The following UQCC1 variants were observed in gnomAD, a reference collection of about 807,000 sequenced individuals.
The protein encoded by UQCC1 is ubiquinol-cytochrome c reductase complex assembly factor 1.
In UQCC1, 38 loss-of-function variants were observed where a neutral mutation model predicts 48.0. That is an observed-to-expected ratio of 0.79 (90% CI 0.61 to 1.04). UQCC1 has a LOEUF of 1.04. Among genes scored for constraint, UQCC1 ranks in the 50% least tolerant of loss-of-function variants. The pLI is 0.00. For missense variants in UQCC1, 368 were observed against 381.8 expected, an observed-to-expected ratio of 0.96 and a Z score of 0.30; for synonymous variants, 111 against 129.2, an observed-to-expected ratio of 0.86 and a Z score of 0.95.
chr20:35,309,178 T>C, intron 8 of UQCC1: 1 of 456,002 alleles, frequency 2.2e-6, no homozygotes, highest in South Asian at 1.5e-5. Flanking sequence ...AATGGCTGAA[T>C]ACCCAGCACT....
Position 35,340,140 on chromosome 20 carries a change from A to G in UQCC1, c.573+7024T>C, listed in dbSNP as rs538320926. On this transcript the variant is annotated intron_variant, in intron 7 of 9. Transcript: ENST00000374385. ...GCAGTAACGCAGAGTCCGATGTGCC[A>G]CTCAGGACAGGACTGGCACCCTGAC... 2.6e-4 allele frequency among the ~76,000 whole-genome samples: 40 copies of G among 152,254 alleles called. No individual in the cohort carries two copies. The South Asian group carries it at 4.2e-3, about 16-fold the overall frequency.
At chr20:35,402,175 G>T (rs944720123) in intron 1 of UQCC1, among the ~76,000 whole-genome samples, 10 of 152,010 alleles carry the variant, frequency 6.6e-5, no homozygotes, top group Non-Finnish European at 1.3e-4. Flanking sequence ...GGGCATAGTG[G>T]CTCACGCCTG....
In UQCC1 at chr20:35,347,397, CT is replaced by C. The variant is rs35481218; in HGVS notation, c.465-126del. ...GGCACCAAATCAAACTGGAAGTGAA[CT>C]TTTTTTTTTTAAACTTTTACTGAGA... On this transcript the variant is annotated intron_variant, in intron 6 of 9. Transcript: ENST00000374385. 7,095 of 856,240 alleles carry C rather than the reference CT, an allele frequency of 8.3e-3. 1 individual carries two copies. Among genetic ancestry groups the C allele is most frequent in the Non-Finnish European group, 9.4e-3 (5,670 of 602,036 alleles). 53.0% of individuals were successfully genotyped at this position (856,240 alleles called of 1,614,324 possible). A position where few individuals can be genotyped will look rare whatever the true frequency, so the allele number is the denominator to read the frequency against.
chr20:35,410,704 C>CAAAAAAAAAAAAAAAAAAAAAAAAAAAA lies in UQCC1; in HGVS notation c.24+1235_24+1236insTTTTTTTTTTTTTTTTTTTTTTTTTTTT, dbSNP rs1183843739. 7.0e-3 allele frequency among the ~76,000 whole-genome samples: 19 copies of CAAAAAAAAAAAAAAAAAAAAAAAAAAAA among 2,708 alleles called. 7 individuals carry two copies. The highest frequency in any genetic ancestry group is 0.01 in the Non-Finnish European group (16 of 1,548). The allele number at this position is 2,708 out of a possible 152,430, so 1.8% of individuals were successfully genotyped here. ...TCGGCGACAGAGCAAGACTCTGCCT[C>CAAAAAAAAAAAAAAAAAAAAAAAAAAAA]AAAAAAAAAAAAAAAAAAAACAAAA... On this transcript the variant is annotated intron_variant, in intron 1 of 9. Coordinates refer to ENST00000374385, the MANE Select transcript of UQCC1 (RefSeq NM_018244.5).
chr20:35,343,598 C>T (rs1034344396), intron 7 of UQCC1, among the ~76,000 whole-genome samples: 1 of 152,190 alleles, frequency 6.6e-6, no homozygotes, highest in African/African-American at 2.4e-5. Context: ...TAGCAGAAAG[C>T]AGTAATAGTA....
chr20:35,349,883 GCTA>G (rs2061471734), intron 6 of UQCC1, among the ~76,000 whole-genome samples: 1 of 152,116 alleles, frequency 6.6e-6, no homozygotes, highest in South Asian at 2.1e-4. Flanking sequence ...TGTAGTCCCA[GCTA>G]CTCAGGAGGC....
rs138511095 is a variant in UQCC1 at position 35,392,682 on chromosome 20, T to G, written c.129+1410A>C. 2.6e-5 allele frequency among the ~76,000 whole-genome samples: 4 copies of G among 152,256 alleles called. No homozygotes were observed. In the East Asian group the frequency reaches 7.7e-4, roughly 29 times the overall value. ...ATTCTCCATTCATTCAACATATACT[T>G]AGTGACTACTCTGTGCCAGGCATAG... On this transcript the variant is annotated intron_variant, in intron 2 of 9. Coordinates refer to ENST00000374385, the MANE Select transcript of UQCC1 (RefSeq NM_018244.5).
intron 7 of UQCC1, among the ~76,000 whole-genome samples, chr20:35,339,492 T>C (rs568379146): frequency 6.6e-6 from 1 of 152,246 alleles, no homozygotes; most frequent in African/African-American, 2.4e-5. Flanking sequence ...AACAAAAGCC[T>C]AGAGGCATAA....
intron 1 of UQCC1, among the ~76,000 whole-genome samples, chr20:35,405,887 G>C (rs1472171385): frequency 6.6e-6 from 1 of 152,116 alleles, no homozygotes; most frequent in Non-Finnish European, 1.5e-5. Context: ...TTTTTTTAAA[G>C]ACAAAATAAA....
At chr20:35,397,088 C>A (rs567036982) in intron 1 of UQCC1, among the ~76,000 whole-genome samples, 1 of 151,788 alleles carries the variant, frequency 6.6e-6, no homozygotes, top group African/African-American at 2.4e-5. Context: ...GTCCCAGCTA[C>A]TCTGGAGGCT....
rs1421669242 is a variant in UQCC1 at position 35,382,040 on chromosome 20, A to C, written c.226-15T>G. On this transcript the variant is annotated splice_polypyrimidine_tract_variant and intron_variant, in intron 3 of 9. Coordinates refer to ENST00000374385, the MANE Select transcript of UQCC1 (RefSeq NM_018244.5). ...GTAGTAGAAAGCTGATTAACCAAAA[A>C]GAAAAAAACTAAAATTAGTTGCAAA... 4 of 1,547,676 alleles carry C rather than the reference A, an allele frequency of 2.6e-6. No homozygotes were observed. The highest frequency in any genetic ancestry group is 3.5e-6 in the Non-Finnish European group (4 of 1,138,986).
chr20:35,348,230 G>C (rs1202557280), intron 6 of UQCC1, among the ~76,000 whole-genome samples: 1 of 152,178 alleles, frequency 6.6e-6, no homozygotes, highest in Non-Finnish European at 1.5e-5. Flanking sequence ...CCTCTAGTCA[G>C]TCCAGAGGGC....
At chr20:35,335,963 A>C (rs1385434352) in intron 7 of UQCC1, among the ~76,000 whole-genome samples, 1 of 152,220 alleles carries the variant, frequency 6.6e-6, no homozygotes. Flanking sequence ...TGAGCACAGA[A>C]GTCCAAGATC....
At chr20:35,367,595 CA>C (rs1204313173) in intron 5 of UQCC1, among the ~76,000 whole-genome samples, 6 of 151,854 alleles carry the variant, frequency 4.0e-5, no homozygotes, top group African/African-American at 1.5e-4. Flanking sequence ...CCCATCTCTA[CA>C]AAAAACTACA....
At chr20:35,345,391 T>A (rs1450662630) in intron 7 of UQCC1, 1 of 152,216 alleles carries the variant, frequency 6.6e-6, no homozygotes, top group Non-Finnish European at 1.5e-5. Context: ...ACCCACCTGG[T>A]GACCTCTCTC....
intron 1 of UQCC1, 64 bp downstream of exon 1, chr20:35,411,876 C>G: frequency 6.2e-7 from 1 of 1,607,710 alleles, no homozygotes; most frequent in Non-Finnish European, 8.5e-7. Flanking sequence ...TCCTCCCGCC[C>G]TGCCTTGTCG....
At position 35,384,966 on chromosome 20, in the gene UQCC1, C is replaced by CAAAAAAAAAAAA. The variant is rs57141083; in HGVS notation, c.130-845_130-834dup. Among the ~76,000 whole-genome samples the CAAAAAAAAAAAA allele has an allele frequency of 4.2e-4, 29 of 69,746 alleles. 1 individual carries two copies. The highest frequency in any genetic ancestry group is 1.6e-3 in the African/African-American group (26 of 15,946). The allele number at this position is 69,746 out of a possible 152,430, so 45.8% of individuals were successfully genotyped here. On this transcript the variant is annotated intron_variant, in intron 2 of 9. Transcript: ENST00000374385. ...TGGGCAACACAGCAAGAATCGGTCT[C>CAAAAAAAAAAAA]AAAAAAAAAAAAAAAAAAAAAAAAA... is the stretch of plus-strand genomic sequence containing the variant.
intron 5 of UQCC1, among the ~76,000 whole-genome samples, chr20:35,372,173 A>G (rs975676201): frequency 3.9e-5 from 6 of 151,986 alleles, no homozygotes; most frequent in South Asian, 4.2e-4. Context: ...TTAGCCGGGC[A>G]TGGTAGCACA....
At chr20:35,367,280 G>A (rs1489223871) in intron 5 of UQCC1, among the ~76,000 whole-genome samples, 3 of 151,848 alleles carry the variant, frequency 2.0e-5, no homozygotes, top group Non-Finnish European at 2.9e-5. Flanking sequence ...TCCAGCTTCC[G>A]TGTGCTTCTA....
Sources: allele counts gnomAD v4.1 joint callset (sites outside exome capture counted in the v4.1 genomes callset), GRCh38; gene constraint gnomAD v4.1.1; transcripts MANE v1.5; gene names NCBI Gene and HGNC (gene_info 2026-07-23, HGNC 2026-07-21).